Variants in SNX13 observed in about 807,000 individuals in gnomAD.
SNX13 encodes sorting nexin-13.
SNX13 carries 45 observed loss-of-function variants against 133.6 expected under a neutral mutation model. The ratio of observed to expected loss-of-function variants is 0.34; its 90% CI spans 0.27 to 0.43. SNX13 has a LOEUF of 0.43. Ranked by LOEUF, SNX13 falls within the 20% of genes least tolerant of loss-of-function variation. SNX13 has a pLI of 1.00. For missense variants in SNX13, 1,032 were observed against 1,145.1 expected, an observed-to-expected ratio of 0.90 and a Z score of 1.43; for synonymous variants, 414 against 373.9, an observed-to-expected ratio of 1.11 and a Z score of -1.24.
intron 7 of SNX13, among the ~76,000 whole-genome samples, chr7:17,875,032 G>T (rs1423101887): frequency 1.3e-5 from 2 of 151,924 alleles, no homozygotes; most frequent in Admixed American, 6.6e-5. Flanking sequence ...TTTAGACAGG[G>T]TCTCACTCTC....
At chr7:17,794,355 A>C (rs114135896) in intron 25 of SNX13, 63 bp from the exon 26 acceptor site, 69 of 1,531,390 alleles carry the variant, frequency 4.5e-5, no homozygotes, top group Non-Finnish European at 5.8e-5. Context: ...TAAACTCTTA[A>C]ATGTTCTTAA....
Position 17,792,415 on chromosome 7 carries a change from T to C in SNX13, c.*1630A>G, listed in dbSNP as rs1783637750. ...ATGCAACATATGCTGAATATATGCA[T>C]ACTATAAGTATGCACAACAGCATTA... On this transcript the variant is annotated 3_prime_UTR_variant, in exon 26 of 26. Transcript: ENST00000428135. 6.6e-6 allele frequency: 1 copy of C among 152,444 alleles called. No individual in the cohort carries two copies. The highest frequency in any genetic ancestry group is 1.5e-5 in the Non-Finnish European group (1 of 67,932). 9.4% of individuals were successfully genotyped at this position (152,444 alleles called of 1,614,324 possible). A position where few individuals can be genotyped will look rare whatever the true frequency, so the allele number is the denominator to read the frequency against.
intron 1 of SNX13, among the ~76,000 whole-genome samples, chr7:17,932,916 A>G (rs1801567753): frequency 6.6e-6 from 1 of 152,224 alleles, no homozygotes; most frequent in African/African-American, 2.4e-5. Context: ...TGATGGCCTA[A>G]GTGGTACAAT....
chr7:17,877,438 T>G (rs1794853963), intron 5 of SNX13, among the ~76,000 whole-genome samples: 1 of 152,080 alleles, frequency 6.6e-6, no homozygotes, highest in Non-Finnish European at 1.5e-5. Context: ...ACATGAATAT[T>G]TATTCAAAAT....
chr7:17,849,919 G>A (rs888556463), intron 11 of SNX13, among the ~76,000 whole-genome samples: 2 of 152,124 alleles, frequency 1.3e-5, no homozygotes, highest in African/African-American at 4.8e-5. Flanking sequence ...GTTTTTTGCA[G>A]TAGATATCAC....
chr7:17,861,800 T>C (rs1242186900), intron 9 of SNX13, among the ~76,000 whole-genome samples: 1 of 152,188 alleles, frequency 6.6e-6, no homozygotes, highest in Non-Finnish European at 1.5e-5. Flanking sequence ...CATAAAATCG[T>C]AGGATCAAGG....
chr7:17,794,860 T>C (rs1783881309), intron 25 of SNX13: 2 of 151,564 alleles, frequency 1.3e-5, no homozygotes. Context: ...ACCCCTGGCA[T>C]AGTAACTATA....
chr7:17,807,659 C>T (rs113964363), intron 20 of SNX13, among the ~76,000 whole-genome samples: 5,752 of 152,292 alleles, frequency 0.038, 358 homozygotes, highest in African/African-American at 0.13. Flanking sequence ...GAGCCCCATG[C>T]CTCCTGACTG....
rs562037019 is a variant in SNX13 at position 17,871,196 on chromosome 7, G to A, written c.753+2332C>T. ...AATTTTTTGTATTTTTAGTAGAGAC[G>A]GCGTTTCACCGTGTTAGCCAGGATG... On this transcript the variant is annotated intron_variant, in intron 8 of 25. Transcript: ENST00000428135. 3.3e-5 allele frequency among the ~76,000 whole-genome samples: 5 copies of A among 152,040 alleles called. No homozygotes were observed. In the East Asian group the frequency reaches 5.8e-4, roughly 18 times the overall value.
chr7:17,825,805 A>C (rs1787843848), intron 17 of SNX13, among the ~76,000 whole-genome samples: 1 of 152,174 alleles, frequency 6.6e-6, no homozygotes, highest in Admixed American at 6.5e-5. Flanking sequence ...TTAGAATATA[A>C]GCATTTTCAA....
chr7:17,812,318 C>G (rs959306517), intron 20 of SNX13, among the ~76,000 whole-genome samples: 6 of 152,062 alleles, frequency 3.9e-5, no homozygotes, highest in African/African-American at 1.4e-4. Context: ...AAAAACAACC[C>G]CATCAGAAAG....
At chr7:17,809,264 T>TAC (rs1041245858) in intron 20 of SNX13, among the ~76,000 whole-genome samples, 2 of 119,468 alleles carry the variant, frequency 1.7e-5, no homozygotes, top group Non-Finnish European at 3.3e-5. Context: ...GAGGAATATT[T>TAC]ACCAAGTAGA....
chr7:17,827,003 C>G (rs1158258920), intron 16 of SNX13, among the ~76,000 whole-genome samples: 2 of 152,050 alleles, frequency 1.3e-5, no homozygotes, highest in Non-Finnish European at 1.5e-5. Context: ...CATACCTAAA[C>G]TATCTGTATA....
intron 16 of SNX13, among the ~76,000 whole-genome samples, chr7:17,828,416 C>A (rs1047968063): frequency 6.6e-6 from 1 of 151,524 alleles, no homozygotes; most frequent in African/African-American, 2.4e-5. Context: ...ACTGAAAATT[C>A]AAATTTATAA....
Position 17,793,496 on chromosome 7 carries a change from T to G in SNX13, c.*549A>C, listed in dbSNP as rs1181371147. On this transcript the variant is annotated 3_prime_UTR_variant, in exon 26 of 26. Coordinates refer to ENST00000428135, the MANE Select transcript of SNX13 (RefSeq NM_015132.5). ...AACTGTAATTCAGGTATAAGGTTATTTCACACTTTAAGGGCATTCTGTCTC... is the reference window on the plus strand; with the variant it reads ...AACTGTAATTCAGGTATAAGGTTATGTCACACTTTAAGGGCATTCTGTCTC... The G allele has an allele frequency of 2.0e-5, 3 of 151,940 alleles. No homozygotes were observed. The highest frequency in any genetic ancestry group is 4.4e-5 in the Non-Finnish European group (3 of 67,912). The allele number at this position is 151,940 out of a possible 1,614,324, so 9.4% of individuals were successfully genotyped here.
At chr7:17,920,384 T>A (rs576429366) in intron 1 of SNX13, among the ~76,000 whole-genome samples, 42 of 152,346 alleles carry the variant, frequency 2.8e-4, no homozygotes, top group African/African-American at 1.0e-3. Flanking sequence ...AAGGTTTGAA[T>A]GAACTCTTCA....
At chr7:17,894,772 G>T (rs1334572629) in intron 2 of SNX13, among the ~76,000 whole-genome samples, 1 of 152,054 alleles carries the variant, frequency 6.6e-6, no homozygotes, top group African/African-American at 2.4e-5. Context: ...ATGACAGGAA[G>T]GGAACAGTAA....
intron 15 of SNX13, chr7:17,831,610 G>C (rs1399174820): frequency 4.1e-6 from 4 of 983,958 alleles, no homozygotes; most frequent in Non-Finnish European, 4.8e-6. Flanking sequence ...ATATGACTTG[G>C]TCCTTTAATT....
intron 14 of SNX13, 121 bp from the exon 15 acceptor site, chr7:17,834,305 T>C (rs1232129600): frequency 1.2e-5 from 10 of 838,076 alleles, no homozygotes; most frequent in Admixed American, 3.4e-5. Context: ...TTACAAGCTG[T>C]CAGCAATAAG....
Sources: gnomAD v4.1 joint callset for allele counts (sites outside exome capture counted in the v4.1 genomes callset) on GRCh38, gnomAD v4.1.1 for gene constraint, MANE v1.5 for transcripts, NCBI Gene and HGNC (gene_info 2026-07-23, HGNC 2026-07-21) for gene names.